The following FAT3 variants were observed in gnomAD, a reference collection of about 807,000 sequenced individuals.
FAT3 encodes the protein protocadherin Fat 3.
In FAT3, 95 loss-of-function variants were observed where a neutral mutation model predicts 310.2. The observed-to-expected ratio is 0.31, with a 90% CI of 0.26 to 0.36. The LOEUF (loss-of-function observed/expected upper bound fraction) is 0.36. FAT3 is among the 10% of genes least tolerant of loss of function. The pLI, the probability that FAT3 is intolerant of heterozygous loss-of-function variation, is 1.00. For missense variants in FAT3, 5,408 were observed against 5,715.6 expected (o/e 0.95, Z 1.74); for synonymous variants, 2,314 against 2,192.9 (o/e 1.06, Z -1.54).
chr11:92,287,871 TC>T (rs991359149), intron 1 of FAT3, among the ~76,000 whole-genome samples: 1 of 151,994 alleles, frequency 6.6e-6, no homozygotes, highest in Non-Finnish European at 1.5e-5. Context: ...ATTGGAATGG[TC>T]ATAGAACTCA....
rs761353192 is a variant in FAT3 at position 92,799,797 on chromosome 11, G to A, written c.6784G>A (p.Asp2262Asn). The change falls in exon 10 of 28, where the codon GAC (aspartate) becomes AAC (asparagine). Residue 2262 changes from aspartate (D) to asparagine (N), a missense_variant. This residue lies in a region of FAT3 where 4,588 missense variants were observed against 4,809.8 expected (regional missense o/e 0.95). Transcript: ENST00000525166. ...TTACAAGCTGACAATAAGAGCCAGCGACGCCCTTACTGGTGCTAGGGCTGA... is the reference window on the plus strand; with the variant it reads ...TTACAAGCTGACAATAAGAGCCAGCAACGCCCTTACTGGTGCTAGGGCTGA... ...SAYKLTIRAS[D>N]ALTGARAEVT... The A allele has an allele frequency of 1.2e-5, 19 of 1,612,842 alleles. No homozygotes were observed. The highest frequency in any genetic ancestry group is 5.5e-5 in the South Asian group (5 of 90,866).
intron 3 of FAT3, among the ~76,000 whole-genome samples, chr11:92,641,543 T>C (rs923930163): frequency 2.2e-4 from 33 of 152,318 alleles, no homozygotes; most frequent in African/African-American, 7.5e-4. Context: ...GGCTTGAGGC[T>C]GCGTCACTCC....
At chr11:92,581,335 C>T (rs1938786958) in intron 3 of FAT3, among the ~76,000 whole-genome samples, 1 of 151,952 alleles carries the variant, frequency 6.6e-6, no homozygotes, top group South Asian at 2.1e-4. Context: ...ACGGCTCCCT[C>T]CTTGCAGTGA....
At chr11:92,641,183 A>T (rs1183463456) in intron 3 of FAT3, among the ~76,000 whole-genome samples, 1 of 152,150 alleles carries the variant, frequency 6.6e-6, no homozygotes, top group East Asian at 1.9e-4. Flanking sequence ...TGACAGAGAG[A>T]GACCCTGTCC....
rs1317172721 is a variant in FAT3 at position 92,531,568 on chromosome 11, A to T, written c.3607+6620A>T. Among the ~76,000 whole-genome samples the T allele has an allele frequency of 3.3e-5, 5 of 152,100 alleles. No homozygotes were observed. In the East Asian group the frequency reaches 9.7e-4, roughly 29 times the overall value. On this transcript the variant is annotated intron_variant, in intron 3 of 27. Transcript: ENST00000525166. ...GCTCAGAGGTACTTCCTGGAACTAC[A>T]GTTCATTCTGGGGGAATAATCGTGT...
intron 3 of FAT3, among the ~76,000 whole-genome samples, chr11:92,550,279 T>C (rs1321230504): frequency 6.6e-6 from 1 of 152,144 alleles, no homozygotes; most frequent in African/African-American, 2.4e-5. Context: ...TACCACTCAG[T>C]TTAAAGAAAT....
intron 3 of FAT3, among the ~76,000 whole-genome samples, chr11:92,551,085 A>G (rs1343182520): frequency 6.6e-6 from 1 of 151,850 alleles, no homozygotes; most frequent in Non-Finnish European, 1.5e-5. Context: ...CTGTCCACCC[A>G]TTATTCTTCA....
intron 1 of FAT3, among the ~76,000 whole-genome samples, chr11:92,252,974 T>G (rs1483035042): frequency 6.6e-6 from 1 of 152,116 alleles, no homozygotes; most frequent in African/African-American, 2.4e-5. Flanking sequence ...ATTGCAGATA[T>G]TCCATTTGGC....
chr11:92,845,596 G>T (rs180783460), intron 19 of FAT3, among the ~76,000 whole-genome samples: 1 of 152,174 alleles, frequency 6.6e-6, no homozygotes, highest in Non-Finnish European at 1.5e-5. Flanking sequence ...TCACATGCCC[G>T]TAGTGATCGA....
chr11:92,712,072 G>A (rs1944542028), intron 4 of FAT3, among the ~76,000 whole-genome samples: 1 of 152,174 alleles, frequency 6.6e-6, no homozygotes, highest in African/African-American at 2.4e-5. Flanking sequence ...TGGCATAGCT[G>A]TCTGCATTCT....
In FAT3 at chr11:92,667,245, A is replaced by G. The variant is rs140231210; in HGVS notation, c.3608-30139A>G. Among the ~76,000 whole-genome samples, 287 of 152,316 alleles carry G rather than the reference A, an allele frequency of 1.9e-3. 1 individual carries two copies. The highest frequency in any genetic ancestry group is 6.8e-3 in the Middle Eastern group (2 of 294). ...ACTGTCCACCATTTAAAACATTTTT[A>G]TAAGCTAGTGAGACGTGGCAGCATC... On this transcript the variant is annotated intron_variant, in intron 3 of 27. Transcript: ENST00000525166.
At chr11:92,547,001 A>C (rs900925614) in intron 3 of FAT3, among the ~76,000 whole-genome samples, 11 of 152,202 alleles carry the variant, frequency 7.2e-5, no homozygotes, top group African/African-American at 2.7e-4. Flanking sequence ...GATTCACATA[A>C]TACGTAAGGT....
At chr11:92,408,693 C>G (rs1486799338) in intron 2 of FAT3, among the ~76,000 whole-genome samples, 2 of 152,130 alleles carry the variant, frequency 1.3e-5, no homozygotes, top group African/African-American at 4.8e-5. Flanking sequence ...GGATCATATT[C>G]TGGGAGAGCA....
intron 3 of FAT3, among the ~76,000 whole-genome samples, chr11:92,686,377 G>T (rs1943635043): frequency 6.6e-6 from 1 of 152,110 alleles, no homozygotes; most frequent in South Asian, 2.1e-4. Flanking sequence ...ACATCAAAAT[G>T]GTGGTTGTTA....
chr11:92,630,870 T>C (rs936347476), intron 3 of FAT3, among the ~76,000 whole-genome samples: 3 of 152,206 alleles, frequency 2.0e-5, no homozygotes, highest in African/African-American at 7.2e-5. Context: ...TATTCTCAGC[T>C]AGTAGCAGCA....
chr11:92,850,933 C>A (rs1245142880), intron 19 of FAT3, among the ~76,000 whole-genome samples: 1 of 152,148 alleles, frequency 6.6e-6, no homozygotes, highest in East Asian at 1.9e-4. Flanking sequence ...GTTGTCACCT[C>A]TACAGAAAGT....
chr11:92,354,211 C>A lies in FAT3; in HGVS notation c.2099C>A (p.Ala700Glu). The A allele has an allele frequency of 6.2e-7, 1 of 1,613,752 alleles. No individual in the cohort carries two copies. Among genetic ancestry groups the A allele is most frequent in the South Asian group, 1.1e-5 (1 of 91,086 alleles). The change falls in exon 2 of 28, where the codon GCA (alanine) becomes GAA (glutamate). Residue 700 changes from alanine (A) to glutamate (E), a missense_variant. Physicochemically the swap from Ala to Glu is moderately radical, Grantham distance 107. Around this residue, in one of 5 missense-constraint regions of FAT3, gnomAD observed 4,588 missense variants for 4,809.8 expected, o/e 0.95. Coordinates refer to ENST00000525166, the MANE Select transcript of FAT3 (RefSeq NM_001367949.2). Reference sequence around the variant, plus strand: ...CTGGCAGAGAAACTACTCATTAAGGCAAAAGCAAATGGGAAACTGAATCTG... The same window carrying A: ...CTGGCAGAGAAACTACTCATTAAGGAAAAAGCAAATGGGAAACTGAATCTG... Reference protein sequence around the residue: ...QKLAEKLLIKAKANGKLNLED... With the variant: ...QKLAEKLLIKEKANGKLNLED...
At chr11:92,438,657 G>A (rs957889820) in intron 2 of FAT3, among the ~76,000 whole-genome samples, 2 of 152,120 alleles carry the variant, frequency 1.3e-5, no homozygotes, top group Non-Finnish European at 2.9e-5. Context: ...AGAGATTTGA[G>A]ACTAGGATAT....
Position 92,524,923 on chromosome 11 carries a change from T to A in FAT3, c.3582T>A (p.Asn1194Lys), listed in dbSNP as rs531927047. The A allele has an allele frequency of 4.3e-6, 7 of 1,613,412 alleles. No individual in the cohort carries two copies. Among genetic ancestry groups the A allele is most frequent in the Middle Eastern group, 1.7e-4 (1 of 6,060 alleles). Reference sequence around the variant, plus strand: ...GGATTACAAGTGGAAATCCTCAGAATTTTTTTGCCATCAATATCAAAACAG... The same window carrying A: ...GGATTACAAGTGGAAATCCTCAGAAATTTTTTGCCATCAATATCAAAACAG... ...TYRITSGNPQ[N>K]FFAINIKTGL... is the part of the protein sequence containing the mutation. Residue 1194 changes from asparagine to lysine, a missense_variant, in exon 3 of 28, where the codon AAT becomes AAA. Around this residue, in one of 5 missense-constraint regions of FAT3, gnomAD observed 4,588 missense variants for 4,809.8 expected, o/e 0.95. Coordinates refer to ENST00000525166, the MANE Select transcript of FAT3 (RefSeq NM_001367949.2).
Sources: gnomAD v4.1 joint callset for allele counts (sites outside exome capture counted in the v4.1 genomes callset) on GRCh38, gnomAD v4.1.1 for gene constraint, gnomAD v4.1.1 regional missense constraint, MANE v1.5 for transcripts, NCBI Gene and HGNC (gene_info 2026-07-23, HGNC 2026-07-21) for gene names.